The following VPS13B variants were observed in gnomAD, a reference collection of about 807,000 sequenced individuals.
VPS13B encodes intermembrane lipid transfer protein VPS13B.
A neutral mutation model predicts 426.4 loss-of-function variants in VPS13B; 285 were observed. The ratio of observed to expected loss-of-function variants is 0.67; its 90% CI spans 0.61 to 0.74. The LOEUF is 0.74. Ranked by LOEUF, VPS13B falls within the 30% of genes least tolerant of loss-of-function variation. The pLI is 0.00. For synonymous variants in VPS13B, 1,676 were observed against 1,676.4 expected (o/e 1.00, Z 0.01); for missense variants, 4,537 against 4,782.6 (o/e 0.95, Z 1.51).
At chr8:99,830,443 C>T (rs1018261729) in intron 51 of VPS13B, among the ~76,000 whole-genome samples, 2 of 152,090 alleles carry the variant, frequency 1.3e-5, no homozygotes, top group African/African-American at 4.8e-5. Context: ...GGTGGATGCC[C>T]CTCCTCCCAC....
intron 21 of VPS13B, among the ~76,000 whole-genome samples, chr8:99,415,521 G>T (rs1815951279): frequency 6.6e-6 from 1 of 152,002 alleles, no homozygotes; most frequent in South Asian, 2.1e-4. Context: ...AGCCTTTTTA[G>T]GCTGGTTTTT....
intron 7 of VPS13B, 25 bp downstream of exon 7, chr8:99,115,899 A>G: frequency 6.2e-7 from 1 of 1,607,062 alleles, no homozygotes; most frequent in Non-Finnish European, 8.5e-7. Flanking sequence ...TATTAAACAA[A>G]AACTTTATTT....
intron 39 of VPS13B, among the ~76,000 whole-genome samples, chr8:99,725,422 G>A (rs965084448): frequency 4.6e-5 from 7 of 152,148 alleles, no homozygotes; most frequent in African/African-American, 1.7e-4. Context: ...ACCCTATTGT[G>A]AACTGCGCAT....
At chr8:99,476,237 A>T (rs181117266) in intron 24 of VPS13B, among the ~76,000 whole-genome samples, 19 of 152,280 alleles carry the variant, frequency 1.2e-4, no homozygotes, top group African/African-American at 4.3e-4. Flanking sequence ...ATATAAACTA[A>T]AAGACTTGGA....
intron 17 of VPS13B, among the ~76,000 whole-genome samples, chr8:99,237,227 A>G (rs1816696107): frequency 6.6e-6 from 1 of 152,214 alleles, no homozygotes; most frequent in Non-Finnish European, 1.5e-5. Context: ...AAAATGGACT[A>G]ATACAACACC....
intron 17 of VPS13B, among the ~76,000 whole-genome samples, chr8:99,260,872 T>C (rs1234956980): frequency 1.3e-5 from 2 of 152,110 alleles, no homozygotes; most frequent in Non-Finnish European, 2.9e-5. Context: ...CATTTGGAAT[T>C]ATGACATAGT....
At chr8:99,795,940 G>A (rs1172849455) in intron 43 of VPS13B, among the ~76,000 whole-genome samples, 2 of 152,126 alleles carry the variant, frequency 1.3e-5, no homozygotes, top group African/African-American at 4.8e-5. Context: ...TATTCAGTGG[G>A]GGGAACATAA....
chr8:99,698,420 A>G (rs1251551746), intron 35 of VPS13B, among the ~76,000 whole-genome samples: 2 of 152,224 alleles, frequency 1.3e-5, no homozygotes, highest in Non-Finnish European at 2.9e-5. Context: ...TCAGAGGTTC[A>G]TGAGACACAG....
intron 35 of VPS13B, chr8:99,696,825 C>A: frequency 1.5e-6 from 2 of 1,302,754 alleles, no homozygotes. Flanking sequence ...CTGTCACGGC[C>A]GCAGCTGGTG....
chr8:99,834,272 A>G (rs1360786149), intron 52 of VPS13B, among the ~76,000 whole-genome samples: 6 of 152,214 alleles, frequency 3.9e-5, no homozygotes, highest in South Asian at 2.1e-4. Context: ...TCCTGCTTCA[A>G]AGAAATATTC....
intron 24 of VPS13B, among the ~76,000 whole-genome samples, chr8:99,469,532 T>G (rs556735326): frequency 2.6e-5 from 4 of 152,280 alleles, no homozygotes; most frequent in African/African-American, 9.6e-5. Flanking sequence ...ATATTTCAGT[T>G]TAATGGCTAT....
In VPS13B at chr8:99,072,653, C is replaced by T. The variant is rs570433237; in HGVS notation, c.292-23659C>T. 4.9e-4 allele frequency among the ~76,000 whole-genome samples: 74 copies of T among 152,158 alleles called. 1 individual carries two copies. The highest frequency in any genetic ancestry group is 1.7e-3 in the African/African-American group (70 of 41,518). On this transcript the variant is annotated intron_variant, in intron 3 of 61. Transcript: ENST00000357162. ...TTGTTTGGGGTTTTGAGGTCATAAC[C>T]GTAAAATCTTTGCCTAGATGAGTGT...
At chr8:99,257,051 GA>G (rs1588179839) in intron 17 of VPS13B, among the ~76,000 whole-genome samples, 1 of 152,146 alleles carries the variant, frequency 6.6e-6, no homozygotes, top group East Asian at 1.9e-4. Flanking sequence ...GAGAATAAAA[GA>G]CATATGAATC....
intron 23 of VPS13B, among the ~76,000 whole-genome samples, chr8:99,448,063 C>T (rs1263135917): frequency 6.6e-6 from 1 of 151,442 alleles, no homozygotes; most frequent in African/African-American, 2.4e-5. Context: ...GACTTAGGAA[C>T]TGCGGAAGTC....
At chr8:99,175,397 AAGTT>A (rs757574578) in intron 16 of VPS13B, among the ~76,000 whole-genome samples, 3 of 152,328 alleles carry the variant, frequency 2.0e-5, no homozygotes, top group African/African-American at 4.8e-5. Flanking sequence ...AATGAAGAAA[AAGTT>A]AGGTATGTTA....
intron 19 of VPS13B, among the ~76,000 whole-genome samples, chr8:99,325,352 T>G (rs1810192019): frequency 6.6e-6 from 1 of 152,212 alleles, no homozygotes; most frequent in Non-Finnish European, 1.5e-5. Flanking sequence ...GTTTGCTTTC[T>G]TGCTAATTTT....
Position 99,870,822 on chromosome 8 carries a change from A to T in VPS13B, c.11430A>T (p.Lys3810Asn). 1 of 1,614,218 alleles carries T rather than the reference A, an allele frequency of 6.2e-7. No homozygotes were observed. Among genetic ancestry groups the T allele is most frequent in the Non-Finnish European group, 8.5e-7 (1 of 1,180,034 alleles). Residue 3810 changes from lysine to asparagine, a missense_variant, in exon 60 of 62, where the codon AAA (lysine) becomes AAT (asparagine). This residue lies in a region of VPS13B where 4,311 missense variants were observed against 4,474.3 expected (regional missense o/e 0.96). Coordinates refer to ENST00000357162, the MANE Select transcript of VPS13B (RefSeq NM_152564.5). ...GAGCTGGACTTTCTCAGCTTCCCAA[A>T]CAGCGCCATCAGCCAAGTGATCTAC... ...LHGAGLSQLPKQRHQPSDLHA... is the reference protein window; with the variant it reads ...LHGAGLSQLPNQRHQPSDLHA...
chr8:99,079,925 C>CA (rs1354807619), intron 3 of VPS13B, among the ~76,000 whole-genome samples: 88 of 119,856 alleles, frequency 7.3e-4, no homozygotes, highest in Middle Eastern at 4.5e-3. Context: ...AACTCCATCT[C>CA]AAAAAAAAAA....
At chr8:99,027,456 T>G (rs1301072360) in intron 2 of VPS13B, among the ~76,000 whole-genome samples, 1 of 152,150 alleles carries the variant, frequency 6.6e-6, no homozygotes, top group Non-Finnish European at 1.5e-5. Flanking sequence ...AGATTGACAC[T>G]TCTTCATGTT....
Sources: allele counts gnomAD v4.1 joint callset (sites outside exome capture counted in the v4.1 genomes callset), GRCh38; gene constraint gnomAD v4.1.1; regional missense constraint gnomAD v4.1.1; transcripts MANE v1.5; gene names NCBI Gene and HGNC (gene_info 2026-07-23, HGNC 2026-07-21).